Variants in RNF180 observed in about 807,000 individuals in gnomAD.
RNF180 encodes the protein E3 ubiquitin-protein ligase RNF180.
In RNF180, 38 loss-of-function variants were observed where a neutral mutation model predicts 59.2. The ratio of observed to expected loss-of-function variants is 0.64; its 90% CI spans 0.50 to 0.84. The LOEUF is 0.84. Among genes scored for constraint, RNF180 ranks in the 40% least tolerant of loss-of-function variants. RNF180 has a pLI of 0.00. For missense variants in RNF180, 705 were observed against 700.9 expected (o/e 1.01, Z -0.07); for synonymous variants, 262 against 240.3 (o/e 1.09, Z -0.84).
intron 5 of RNF180, among the ~76,000 whole-genome samples, chr5:64,280,652 A>G (rs1215098615): frequency 6.6e-6 from 1 of 151,692 alleles, no homozygotes; most frequent in Non-Finnish European, 1.5e-5. Context: ...CTGTACTGTT[A>G]CATTGGTCTG....
intron 2 of RNF180, 28 bp from the exon 3 acceptor site, chr5:64,212,037 A>G (rs150362027): frequency 4.5e-4 from 548 of 1,212,716 alleles, no homozygotes; most frequent in African/African-American, 4.5e-3. Context: ...ACTGGTAATT[A>G]GTAATATCAT....
intron 5 of RNF180, among the ~76,000 whole-genome samples, chr5:64,311,969 G>A (rs540647889): frequency 6.6e-6 from 1 of 152,104 alleles, no homozygotes; most frequent in South Asian, 2.1e-4. Context: ...TATTTCTTTG[G>A]ATAGTATGAT....
intron 2 of RNF180, among the ~76,000 whole-genome samples, chr5:64,210,715 A>G (rs965515140): frequency 6.6e-6 from 1 of 152,126 alleles, no homozygotes; most frequent in Admixed American, 6.6e-5. Flanking sequence ...TGTTTATTAG[A>G]TGAATTGGTA....
At chr5:64,234,880 T>C (rs982153025) in intron 5 of RNF180, among the ~76,000 whole-genome samples, 3 of 152,114 alleles carry the variant, frequency 2.0e-5, no homozygotes, top group African/African-American at 7.2e-5. Flanking sequence ...ATTACAGGCG[T>C]GAGCCACTGC....
chr5:64,274,873 A>G (rs898170086), intron 5 of RNF180, among the ~76,000 whole-genome samples: 2 of 152,058 alleles, frequency 1.3e-5, no homozygotes, highest in Non-Finnish European at 2.9e-5. Context: ...ATTTTAATCT[A>G]ATTAGCACTG....
intron 5 of RNF180, among the ~76,000 whole-genome samples, chr5:64,291,939 G>C (rs186317617): frequency 1.3e-4 from 20 of 152,050 alleles, no homozygotes; most frequent in Non-Finnish European, 2.6e-4. Context: ...TTCTGCTGTC[G>C]TGGTTATATT....
intron 5 of RNF180, among the ~76,000 whole-genome samples, chr5:64,294,398 C>G (rs932177596): frequency 1.3e-5 from 2 of 152,018 alleles, no homozygotes; most frequent in African/African-American, 2.4e-5. Flanking sequence ...AAATAAAATT[C>G]TATATTTCAA....
At chr5:64,297,457 T>C (rs1162162219) in intron 5 of RNF180, among the ~76,000 whole-genome samples, 2 of 152,042 alleles carry the variant, frequency 1.3e-5, no homozygotes, top group African/African-American at 4.8e-5. Flanking sequence ...GAAGAAGGGC[T>C]TCTTTTTTTG....
At chr5:64,208,314 A>G (rs1033797354) in intron 2 of RNF180, among the ~76,000 whole-genome samples, 5 of 152,044 alleles carry the variant, frequency 3.3e-5, no homozygotes, top group Non-Finnish European at 5.9e-5. Flanking sequence ...AGACAGAAAG[A>G]AAATCTGTTT....
At chr5:64,318,851 A>G (rs954732494) in intron 5 of RNF180, among the ~76,000 whole-genome samples, 5 of 152,160 alleles carry the variant, frequency 3.3e-5, no homozygotes, top group East Asian at 1.9e-4. Flanking sequence ...CCAAGAAAAA[A>G]CAAACTGATA....
At chr5:64,275,770 G>A (rs191624913) in intron 5 of RNF180, among the ~76,000 whole-genome samples, 1 of 151,968 alleles carries the variant, frequency 6.6e-6, no homozygotes, top group East Asian at 1.9e-4. Flanking sequence ...CTGAGCTATA[G>A]CCCTCCAGGT....
intron 5 of RNF180, among the ~76,000 whole-genome samples, chr5:64,289,435 T>A (rs1190557920): frequency 6.6e-6 from 1 of 152,216 alleles, no homozygotes; most frequent in African/African-American, 2.4e-5. Context: ...TTCCCATTTT[T>A]CAATTGTTTT....
At chr5:64,257,908 A>G (rs999098362) in intron 5 of RNF180, among the ~76,000 whole-genome samples, 7 of 152,218 alleles carry the variant, frequency 4.6e-5, no homozygotes, top group African/African-American at 1.7e-4. Context: ...TACTCTTCTC[A>G]GGGCCACGGA....
intron 5 of RNF180, among the ~76,000 whole-genome samples, chr5:64,234,427 G>A (rs62372496): frequency 0.034 from 5,118 of 151,686 alleles, 115 homozygotes; most frequent in Non-Finnish European, 0.055. Context: ...GATCGCGCCA[G>A]TGCACTCCAG....
chr5:64,166,052 C>G (rs1464538800), intron 1 of RNF180, 99 bp downstream of exon 1: 1 of 152,224 alleles, frequency 6.6e-6, no homozygotes, highest in Admixed American at 6.5e-5. Context: ...GTGGCCCGGG[C>G]CCCCACGTTG....
At chr5:64,203,944 C>A (rs944869780) in intron 2 of RNF180, among the ~76,000 whole-genome samples, 1 of 151,956 alleles carries the variant, frequency 6.6e-6, no homozygotes, top group African/African-American at 2.4e-5. Flanking sequence ...ATTATTAGAA[C>A]CCCAAAGTAA....
rs377194103 is a variant in RNF180 at position 64,201,183 on chromosome 5, C to T, written c.135+241C>T. ...CTTTAATTACGAATGTTAATATGACCTTAATGTTTTAAGTGCAATGTTATA... is the reference window on the plus strand; with the variant it reads ...CTTTAATTACGAATGTTAATATGACTTTAATGTTTTAAGTGCAATGTTATA... On this transcript the variant is annotated intron_variant, in intron 2 of 7. Coordinates refer to ENST00000389100, the MANE Select transcript of RNF180 (RefSeq NM_001113561.2). 9.9e-5 allele frequency among the ~76,000 whole-genome samples: 15 copies of T among 152,202 alleles called. No homozygotes were observed. In the South Asian group the frequency reaches 2.1e-3, roughly 21 times the overall value.
chr5:64,353,348 CAAAT>C (rs980556690), intron 7 of RNF180, among the ~76,000 whole-genome samples: 12 of 151,516 alleles, frequency 7.9e-5, no homozygotes, highest in African/African-American at 1.7e-4. Flanking sequence ...TAAAGTAAAA[CAAAT>C]AAACAAAAAT....
intron 5 of RNF180, among the ~76,000 whole-genome samples, chr5:64,243,453 T>A (rs1742919421): frequency 6.6e-6 from 1 of 152,156 alleles, no homozygotes; most frequent in South Asian, 2.1e-4. Context: ...CCTCATAATG[T>A]AAACAAAGAC....
Sources: gnomAD v4.1 joint callset for allele counts (sites outside exome capture counted in the v4.1 genomes callset) on GRCh38, gnomAD v4.1.1 for gene constraint, MANE v1.5 for transcripts, NCBI Gene and HGNC (gene_info 2026-07-23, HGNC 2026-07-21) for gene names.